The following DOCK3 variants were observed in gnomAD, a reference collection of about 807,000 sequenced individuals.
The protein encoded by DOCK3 is dedicator of cytokinesis 3.
Under a neutral mutation model 265.6 loss-of-function variants are expected in DOCK3, and 60 were observed. That is an observed-to-expected ratio of 0.23 (90% CI 0.18 to 0.28). The LOEUF is 0.28. Among genes scored for constraint, DOCK3 ranks in the 10% least tolerant of loss-of-function variants. DOCK3 has a pLI of 1.00. For synonymous variants in DOCK3, 881 were observed against 938.0 expected (o/e 0.94, Z 1.11); for missense variants, 1,981 against 2,594.3 (o/e 0.76, Z 5.14).
intron 5 of DOCK3, among the ~76,000 whole-genome samples, chr3:51,011,780 G>T (rs1349525113): frequency 6.6e-6 from 1 of 152,088 alleles, no homozygotes; most frequent in Non-Finnish European, 1.5e-5. Context: ...CTTTGATGAT[G>T]GTGACGTACA....
intron 9 of DOCK3, among the ~76,000 whole-genome samples, chr3:51,090,887 T>C (rs2082612839): frequency 6.6e-6 from 1 of 152,230 alleles, no homozygotes; most frequent in African/African-American, 2.4e-5. Context: ...AGGAGTGCTT[T>C]ATGGCTTTTA....
At chr3:51,016,966 A>ATG (rs1194664436) in intron 5 of DOCK3, among the ~76,000 whole-genome samples, 2 of 22,314 alleles carry the variant, frequency 9.0e-5, no homozygotes, top group Admixed American at 5.3e-4. Context: ...TATATTATAT[A>ATG]TATATAAATA....
rs535910098 is a variant in DOCK3 at position 51,007,400 on chromosome 3, C to T, written c.316-57048C>T. Among the ~76,000 whole-genome samples the T allele has an allele frequency of 4.7e-4, 72 of 152,222 alleles. No individual in the cohort carries two copies. The East Asian group carries it at 0.012, about 26-fold the overall frequency. On this transcript the variant is annotated intron_variant, in intron 5 of 52. Transcript: ENST00000266037. The stretch of plus-strand genomic sequence containing the variant: ...TGATGATGAGCATTTTTTCATGTGT[C>T]TGTTGGCTGCATAAATGTCTTCTTT...
At chr3:50,932,814 G>T (rs1341531692) in intron 4 of DOCK3, among the ~76,000 whole-genome samples, 1 of 152,074 alleles carries the variant, frequency 6.6e-6, no homozygotes, top group African/African-American at 2.4e-5. Flanking sequence ...AGAGTTCATT[G>T]ATCTGCTCAT....
intron 51 of DOCK3, among the ~76,000 whole-genome samples, chr3:51,378,301 G>A (rs897135389): frequency 1.3e-5 from 2 of 152,210 alleles, no homozygotes; most frequent in African/African-American, 4.8e-5. Context: ...GCTCACGCCA[G>A]TTCCTGCGCA....
chr3:50,692,463 A>G (rs2035320457), intron 1 of DOCK3, among the ~76,000 whole-genome samples: 2 of 152,166 alleles, frequency 1.3e-5, no homozygotes, highest in South Asian at 4.1e-4. Flanking sequence ...TCCTATGAGA[A>G]TCTAATGCCA....
chr3:51,215,877 A>G (rs566833179), intron 14 of DOCK3, among the ~76,000 whole-genome samples: 2 of 152,100 alleles, frequency 1.3e-5, no homozygotes, highest in Non-Finnish European at 2.9e-5. Context: ...AGGGGTAATG[A>G]CTGCCACAGG....
chr3:51,048,254 A>G (rs548233634), intron 5 of DOCK3, among the ~76,000 whole-genome samples: 2 of 152,284 alleles, frequency 1.3e-5, no homozygotes, highest in South Asian at 2.1e-4. Flanking sequence ...GGCTCCATGT[A>G]TGACAGCCTC....
chr3:51,264,402 G>C (rs1286304009), intron 23 of DOCK3, among the ~76,000 whole-genome samples: 1 of 152,224 alleles, frequency 6.6e-6, no homozygotes, highest in Non-Finnish European at 1.5e-5. Flanking sequence ...AGCTAAAGCA[G>C]TGTTTAGAGA....
chr3:51,027,229 C>T (rs574027732), intron 5 of DOCK3, among the ~76,000 whole-genome samples: 6 of 152,084 alleles, frequency 3.9e-5, no homozygotes, highest in South Asian at 2.1e-4. Flanking sequence ...AGAAGCAACT[C>T]ATTTAGTTCC....
intron 5 of DOCK3, among the ~76,000 whole-genome samples, chr3:51,007,580 C>T (rs1361658796): frequency 2.0e-5 from 3 of 152,168 alleles, no homozygotes; most frequent in African/African-American, 7.2e-5. Context: ...TGCCTGTTCA[C>T]TCTGATGGTA....
intron 5 of DOCK3, among the ~76,000 whole-genome samples, chr3:51,014,473 A>G (rs2108791859): frequency 6.6e-6 from 1 of 152,238 alleles, no homozygotes; most frequent in South Asian, 2.1e-4. Flanking sequence ...ATTATTTTCC[A>G]GTTAAATACC....
chr3:51,033,169 A>G (rs2080120547), intron 5 of DOCK3, among the ~76,000 whole-genome samples: 1 of 152,160 alleles, frequency 6.6e-6, no homozygotes, highest in Non-Finnish European at 1.5e-5. Flanking sequence ...CTTTCACAGA[A>G]TTGCCCTTAT....
chr3:50,801,791 T>C (rs1429382819), intron 2 of DOCK3, among the ~76,000 whole-genome samples: 1 of 152,146 alleles, frequency 6.6e-6, no homozygotes, highest in Non-Finnish European at 1.5e-5. Context: ...TTGCTGAGAG[T>C]GGAGTGTTGA....
chr3:50,889,354 G>A (rs191794514), intron 3 of DOCK3, among the ~76,000 whole-genome samples: 1 of 151,936 alleles, frequency 6.6e-6, no homozygotes, highest in African/African-American at 2.4e-5. Flanking sequence ...AAAGCACTGG[G>A]ATTACAAGCA....
intron 1 of DOCK3, among the ~76,000 whole-genome samples, chr3:50,748,306 C>T (rs1264850664): frequency 6.6e-6 from 1 of 152,028 alleles, no homozygotes; most frequent in Non-Finnish European, 1.5e-5. Context: ...TGTGCCTGGC[C>T]CTGTGGTTTC....
In DOCK3 at chr3:50,720,555, A is replaced by T. The variant is rs192310890; in HGVS notation, c.37+45255A>T. On this transcript the variant is annotated intron_variant, in intron 1 of 52. Coordinates refer to ENST00000266037, the MANE Select transcript of DOCK3 (RefSeq NM_004947.5). ...CAGTCTGGCATTGATGGGCTTTTAG[A>T]TTGATTCTATGTTTTTGCTATTGTG... 2.6e-5 allele frequency among the ~76,000 whole-genome samples: 4 copies of T among 152,116 alleles called. No individual in the cohort carries two copies. In the East Asian group the frequency reaches 7.7e-4, roughly 29 times the overall value.
At chr3:50,751,415 C>T (rs1482356335) in intron 1 of DOCK3, among the ~76,000 whole-genome samples, 1 of 152,130 alleles carries the variant, frequency 6.6e-6, no homozygotes, top group Non-Finnish European at 1.5e-5. Flanking sequence ...AATGCTCTCC[C>T]TCCCCTTCCC....
chr3:51,192,533 G>A (rs1398936261), intron 12 of DOCK3, among the ~76,000 whole-genome samples: 1 of 152,018 alleles, frequency 6.6e-6, no homozygotes, highest in Non-Finnish European at 1.5e-5. Flanking sequence ...AAAAGTAGGA[G>A]CAGCAGAGAA....
Sources: gnomAD v4.1 joint callset for allele counts (sites outside exome capture counted in the v4.1 genomes callset) on GRCh38, gnomAD v4.1.1 for gene constraint, MANE v1.5 for transcripts, NCBI Gene and HGNC (gene_info 2026-07-23, HGNC 2026-07-21) for gene names.